VOPP1: variants seen among roughly 807,000 people sequenced by gnomAD.
The protein encoded by VOPP1 is WW domain binding protein VOPP1.
Under a neutral mutation model 23.5 loss-of-function variants are expected in VOPP1, and 8 were observed. That is an observed-to-expected ratio of 0.34 (90% CI 0.20 to 0.61). The LOEUF is 0.61. VOPP1 is among the 20% of genes least tolerant of loss of function. VOPP1 has a pLI of 0.78. For missense variants in VOPP1, 174 were observed against 238.1 expected (o/e 0.73, Z 1.77); for synonymous variants, 83 against 97.3 (o/e 0.85, Z 0.86).
intron 1 of VOPP1, among the ~76,000 whole-genome samples, chr7:55,522,915 T>C (rs1795960263): frequency 6.6e-6 from 1 of 152,244 alleles, no homozygotes; most frequent in South Asian, 2.1e-4. Flanking sequence ...ACTAATGCAC[T>C]GCATTTCAGA....
At chr7:55,460,874 A>C (rs117467214) in intron 4 of VOPP1, among the ~76,000 whole-genome samples, 1,829 of 152,252 alleles carry the variant, frequency 0.012, 13 homozygotes, top group Admixed American at 0.021. Flanking sequence ...GTGTCTTTAC[A>C]AGTGAAGTGA....
At chr7:55,539,249 G>A (rs896422445) in intron 1 of VOPP1, among the ~76,000 whole-genome samples, 4 of 152,138 alleles carry the variant, frequency 2.6e-5, no homozygotes, top group Admixed American at 2.0e-4. Flanking sequence ...GGAGGCTGAG[G>A]CAGGAGAATC....
At chr7:55,478,814 A>G (rs1422413292) in intron 4 of VOPP1, among the ~76,000 whole-genome samples, 4 of 152,232 alleles carry the variant, frequency 2.6e-5, no homozygotes, top group Admixed American at 6.5e-5. Flanking sequence ...CACTATTTCA[A>G]TTTTACAGAT....
At chr7:55,436,077 G>A (rs12670663) in exon 5 of VOPP1, 41,077 of 152,310 alleles carry the variant, frequency 0.27, 6,016 homozygotes, top group Non-Finnish European at 0.33. Context: ...AGCAGGAGGC[G>A]GACCAAAGGA....
intron 4 of VOPP1, among the ~76,000 whole-genome samples, chr7:55,484,612 G>C (rs758055608): frequency 2.0e-5 from 3 of 152,052 alleles, no homozygotes; most frequent in Non-Finnish European, 4.4e-5. Flanking sequence ...AGATTCTTTT[G>C]ACATTTTTTC....
chr7:55,535,585 G>C (rs369510831), intron 1 of VOPP1, among the ~76,000 whole-genome samples: 10 of 152,182 alleles, frequency 6.6e-5, no homozygotes, highest in African/African-American at 2.2e-4. Flanking sequence ...CTTCCATCTG[G>C]AAAACACTTC....
rs562355579 is a variant in VOPP1 at position 55,548,516 on chromosome 7, G to A, written c.54+23755C>T. ...TCCTCACTTACAGGGACCTGCATTC[G>A]TTCCATGAGAGGCAAAGCTACTCCT... On this transcript the variant is annotated intron_variant, in intron 1 of 4. Coordinates refer to ENST00000285279, the MANE Select transcript of VOPP1 (RefSeq NM_030796.5). Among the ~76,000 whole-genome samples, 18 of 152,310 alleles carry A rather than the reference G, an allele frequency of 1.2e-4. 1 individual carries two copies. Among genetic ancestry groups the A allele is most frequent in the Admixed American group, 9.1e-4 (14 of 15,302 alleles).
At chr7:55,543,971 A>G (rs908505764) in intron 1 of VOPP1, among the ~76,000 whole-genome samples, 1 of 152,220 alleles carries the variant, frequency 6.6e-6, no homozygotes, top group Non-Finnish European at 1.5e-5. Flanking sequence ...GGCTTTACTC[A>G]AGAAATCTTT....
chr7:55,459,559 G>A (rs1419007474), intron 4 of VOPP1, among the ~76,000 whole-genome samples: 2 of 152,080 alleles, frequency 1.3e-5, no homozygotes, highest in Admixed American at 1.3e-4. Flanking sequence ...CCAGTTATTG[G>A]TCTGTTCAGG....
At chr7:55,440,722 T>TGGGCCTGCACACAGACCTGCTGCCCCC (rs1214545766) in intron 4 of VOPP1, among the ~76,000 whole-genome samples, 12 of 152,238 alleles carry the variant, frequency 7.9e-5, no homozygotes, top group Non-Finnish European at 1.8e-4. Context: ...AGGCTGTCCC[T>TGGGCCTGCACACAGACCTGCTGCCCCC]GGGCCTGCAC....
At chr7:55,445,182 G>GCT (rs147403072) in intron 4 of VOPP1, among the ~76,000 whole-genome samples, 1 of 150,936 alleles carries the variant, frequency 6.6e-6, no homozygotes, top group African/African-American at 2.4e-5. Context: ...TCTTTCTTTT[G>GCT]CTCTCTCTCT....
At chr7:55,467,200 G>A (rs1057324793), downstream of VOPP1, among the ~76,000 whole-genome samples, 1 of 152,236 alleles carries the variant, frequency 6.6e-6, no homozygotes, top group African/African-American at 2.4e-5. Flanking sequence ...CCACAGAGCA[G>A]TACTGGTCTG....
At chr7:55,463,952 T>C (rs906832268) in intron 4 of VOPP1, among the ~76,000 whole-genome samples, 2 of 152,188 alleles carry the variant, frequency 1.3e-5, no homozygotes, top group African/African-American at 4.8e-5. Context: ...CATGTGCAGA[T>C]GCTAATGGCA....
At chr7:55,516,122 G>GT in intron 2 of VOPP1, 1 of 567,418 alleles carries the variant, frequency 1.8e-6, no homozygotes, top group Non-Finnish European at 2.2e-6. Context: ...ATGTTACTAA[G>GT]AGCAGACACC....
At chr7:55,510,570 CT>C (rs34545604) in intron 2 of VOPP1, among the ~76,000 whole-genome samples, 427 of 119,786 alleles carry the variant, frequency 3.6e-3, no homozygotes, top group Middle Eastern at 8.7e-3. Context: ...AGGGCACTGG[CT>C]TTTTTTTTTT....
At chr7:55,445,230 G>GACACACACAC in intron 4 of VOPP1, among the ~76,000 whole-genome samples, 1 of 132,970 alleles carries the variant, frequency 7.5e-6, no homozygotes. Flanking sequence ...CACACACACA[G>GACACACACAC]ACACACACAC....
chr7:55,551,603 T>G (rs1286104529), intron 1 of VOPP1, among the ~76,000 whole-genome samples: 2 of 151,766 alleles, frequency 1.3e-5, no homozygotes, highest in Admixed American at 6.6e-5. Context: ...CCCCTTCCCT[T>G]AGGAAAAAGG....
At chr7:55,529,178 G>C (rs952053924) in intron 1 of VOPP1, among the ~76,000 whole-genome samples, 1 of 152,050 alleles carries the variant, frequency 6.6e-6, no homozygotes, top group Non-Finnish European at 1.5e-5. Flanking sequence ...AGGAGATGGA[G>C]ACCATCCTGG....
Position 55,523,605 on chromosome 7 carries a change from C to T in VOPP1, c.55-2475G>A, listed in dbSNP as rs376348145. 9.8e-5 allele frequency among the ~76,000 whole-genome samples: 15 copies of T among 152,290 alleles called. No individual in the cohort carries two copies. The East Asian group carries it at 2.9e-3, about 29-fold the overall frequency. ...GTGAGAGCTTGCACACCAATGAGAGCTTGCCAGCTCCCCAAAACTTTACTT... is the reference window on the plus strand; with the variant it reads ...GTGAGAGCTTGCACACCAATGAGAGTTTGCCAGCTCCCCAAAACTTTACTT... On this transcript the variant is annotated intron_variant, in intron 1 of 4. Transcript: ENST00000285279.
Sources: gnomAD v4.1 joint callset for allele counts (sites outside exome capture counted in the v4.1 genomes callset) on GRCh38, gnomAD v4.1.1 for gene constraint, MANE v1.5 for transcripts, NCBI Gene and HGNC (gene_info 2026-07-23, HGNC 2026-07-21) for gene names.